ROBO2: variants seen among roughly 807,000 people sequenced by gnomAD.
ROBO2 encodes the protein roundabout homolog 2.
In ROBO2, 53 loss-of-function variants were observed where a neutral mutation model predicts 160.8. That is an observed-to-expected ratio of 0.33 (90% confidence interval 0.26 to 0.41). ROBO2 has a LOEUF of 0.41. Among genes scored for constraint, ROBO2 ranks in the 10% least tolerant of loss-of-function variants. The probability of loss-of-function intolerance (pLI) is 1.00; values close to 1 mark genes in which losing one functional copy is unlikely to be tolerated. For synonymous variants in ROBO2, 664 were observed against 611.7 expected, an observed-to-expected ratio of 1.09 and a Z score of -1.26; for missense variants, 1,577 against 1,722.4, an observed-to-expected ratio of 0.92 and a Z score of 1.49.
At chr3:77,464,993 C>A (rs2082624151) in intron 2 of ROBO2, among the ~76,000 whole-genome samples, 1 of 152,038 alleles carries the variant, frequency 6.6e-6, no homozygotes, top group African/African-American at 2.4e-5. Context: ...TAATTTATTT[C>A]AAAAATTATC....
chr3:76,044,966 TA>T (rs1483196974), intron 2 of ROBO2, among the ~76,000 whole-genome samples: 3 of 152,016 alleles, frequency 2.0e-5, no homozygotes, highest in African/African-American at 7.3e-5. Context: ...GAAAAACTGA[TA>T]GGGGCCAAGT....
chr3:75,996,967 T>A (rs146700205), intron 2 of ROBO2, among the ~76,000 whole-genome samples: 16 of 152,342 alleles, frequency 1.1e-4, no homozygotes, highest in Admixed American at 1.0e-3. Context: ...GGATACTATT[T>A]CATGATCAGC....
At chr3:76,542,941 C>A (rs1173064587) in intron 2 of ROBO2, among the ~76,000 whole-genome samples, 1 of 152,068 alleles carries the variant, frequency 6.6e-6, no homozygotes, top group Admixed American at 6.6e-5. Context: ...CCATTCCTTC[C>A]TAGGGTCAGT....
At chr3:76,010,390 A>G (rs2066160130) in intron 2 of ROBO2, among the ~76,000 whole-genome samples, 1 of 152,232 alleles carries the variant, frequency 6.6e-6, no homozygotes, top group Non-Finnish European at 1.5e-5. Context: ...CCACTTATGA[A>G]GGAGGCTTAT....
At chr3:76,735,942 T>C (rs955564475) in intron 2 of ROBO2, among the ~76,000 whole-genome samples, 3 of 151,786 alleles carry the variant, frequency 2.0e-5, no homozygotes, top group Non-Finnish European at 2.9e-5. Flanking sequence ...ATCTTATAAA[T>C]AAAAATAACT....
chr3:76,549,053 GT>G (rs2083271156), intron 2 of ROBO2, among the ~76,000 whole-genome samples: 1 of 152,134 alleles, frequency 6.6e-6, no homozygotes, highest in Non-Finnish European at 1.5e-5. Context: ...CCCTGAAAAA[GT>G]TTTAAGATGT....
intron 2 of ROBO2, among the ~76,000 whole-genome samples, chr3:76,366,981 AG>A (rs1272425621): frequency 6.6e-6 from 1 of 152,004 alleles, no homozygotes; most frequent in Non-Finnish European, 1.5e-5. Context: ...TAATACTGTT[AG>A]CCAAATTAGT....
At chr3:76,409,969 A>G (rs1476754711) in intron 2 of ROBO2, among the ~76,000 whole-genome samples, 2 of 152,108 alleles carry the variant, frequency 1.3e-5, no homozygotes, top group South Asian at 4.1e-4. Context: ...CTCATTTTAT[A>G]TCAATTTCTG....
intron 2 of ROBO2, among the ~76,000 whole-genome samples, chr3:76,276,218 GTATGTGAAATTCAA>G (rs1318077523): frequency 6.6e-5 from 10 of 151,930 alleles, no homozygotes; most frequent in Admixed American, 2.0e-4. Context: ...ACTTTCCAAG[GTATGTGAAATTCAA>G]TATGTGAAAT....
chr3:76,924,877 C>G (rs1357463143), intron 2 of ROBO2, among the ~76,000 whole-genome samples: 1 of 152,186 alleles, frequency 6.6e-6, no homozygotes, highest in Non-Finnish European at 1.5e-5. Flanking sequence ...AGTGAGTTGA[C>G]ATGTGAAATG....
chr3:77,382,526 C>T (rs752997321), intron 2 of ROBO2, among the ~76,000 whole-genome samples: 2 of 151,994 alleles, frequency 1.3e-5, no homozygotes, highest in East Asian at 1.9e-4. Flanking sequence ...GAGTAGTGTA[C>T]GTTGAACCCA....
intron 2 of ROBO2, among the ~76,000 whole-genome samples, chr3:76,597,744 T>C (rs757524085): frequency 5.3e-5 from 8 of 151,738 alleles, no homozygotes; most frequent in Non-Finnish European, 1.2e-4. Context: ...CCTCCTTGTG[T>C]TCATGTGTTT....
intron 2 of ROBO2, among the ~76,000 whole-genome samples, chr3:76,975,542 T>A (rs946008805): frequency 6.6e-6 from 1 of 152,266 alleles, no homozygotes; most frequent in South Asian, 2.1e-4. Context: ...CTTGATCCCT[T>A]TTTAGCATCT....
intron 2 of ROBO2, among the ~76,000 whole-genome samples, chr3:76,596,370 T>A (rs1469794045): frequency 6.6e-6 from 1 of 152,100 alleles, no homozygotes; most frequent in Non-Finnish European, 1.5e-5. Context: ...TTAAATAACA[T>A]AGACTATGAA....
chr3:76,909,046 T>C (rs1008557119), intron 2 of ROBO2, among the ~76,000 whole-genome samples: 1 of 152,050 alleles, frequency 6.6e-6, no homozygotes, highest in African/African-American at 2.4e-5. Context: ...TGGGTAATCA[T>C]CTCTAAAAAA....
At chr3:76,071,113 G>T (rs2068439686) in intron 2 of ROBO2, among the ~76,000 whole-genome samples, 1 of 152,156 alleles carries the variant, frequency 6.6e-6, no homozygotes, top group South Asian at 2.1e-4. Context: ...CCTGTAGTTT[G>T]TCTGGGTTGA....
At chr3:77,156,776 A>G (rs1285555578) in intron 2 of ROBO2, among the ~76,000 whole-genome samples, 1 of 150,336 alleles carries the variant, frequency 6.7e-6, no homozygotes, top group Non-Finnish European at 1.5e-5. Context: ...ATTAGAATAT[A>G]TAAAAATATT....
chr3:77,394,392 A>G (rs2075062758), intron 2 of ROBO2, among the ~76,000 whole-genome samples: 1 of 152,088 alleles, frequency 6.6e-6, no homozygotes, highest in Admixed American at 6.6e-5. Context: ...TATTAAGGAT[A>G]ATAAAGGGAA....
intron 2 of ROBO2, among the ~76,000 whole-genome samples, chr3:76,786,698 A>C (rs925009851): frequency 1.3e-5 from 2 of 150,890 alleles, no homozygotes; most frequent in African/African-American, 4.9e-5. Context: ...GCAACGAGTA[A>C]GCAAATTTCT....
Sources: gnomAD v4.1 joint callset for allele counts (sites outside exome capture counted in the v4.1 genomes callset) on GRCh38, gnomAD v4.1.1 for gene constraint, MANE v1.5 for transcripts, NCBI Gene and HGNC (gene_info 2026-07-23, HGNC 2026-07-21) for gene names.